Variants in PHACTR1 observed in about 807,000 individuals in gnomAD.
The protein encoded by PHACTR1 is RPEL repeat containing 1.
PHACTR1 carries 16 observed loss-of-function variants against 69.2 expected under a neutral mutation model. The ratio of observed to expected loss-of-function variants is 0.23; its 90% CI spans 0.16 to 0.35. The LOEUF (loss-of-function observed/expected upper bound fraction) is 0.35. Among genes scored for constraint, PHACTR1 ranks in the 10% least tolerant of loss-of-function variants. The pLI, the probability that PHACTR1 is intolerant of heterozygous loss-of-function variation, is 1.00. For synonymous variants in PHACTR1, 312 were observed against 284.5 expected, an observed-to-expected ratio of 1.10 and a Z score of -0.97; for missense variants, 510 against 734.7, an observed-to-expected ratio of 0.69 and a Z score of 3.54.
intron 4 of PHACTR1, among the ~76,000 whole-genome samples, chr6:12,944,594 A>G (rs1790403375): frequency 6.6e-6 from 1 of 152,294 alleles, no homozygotes; most frequent in African/African-American, 2.4e-5. Context: ...GTGCTTCAAA[A>G]GAACATATCT....
intron 5 of PHACTR1, among the ~76,000 whole-genome samples, chr6:13,156,476 G>A (rs1010994279): frequency 2.0e-5 from 3 of 152,146 alleles, no homozygotes; most frequent in African/African-American, 7.2e-5. Context: ...CTTGGCATGG[G>A]CAACTTTGAG....
intron 4 of PHACTR1, among the ~76,000 whole-genome samples, chr6:12,882,765 C>CT (rs1161996866): frequency 2.0e-5 from 3 of 152,174 alleles, no homozygotes; most frequent in Non-Finnish European, 4.4e-5. Context: ...TTCCTGGCTT[C>CT]TTACCCTCCT....
At chr6:12,871,983 A>G (rs1341126026) in intron 4 of PHACTR1, among the ~76,000 whole-genome samples, 1 of 152,010 alleles carries the variant, frequency 6.6e-6, no homozygotes, top group Admixed American at 6.6e-5. Context: ...ACCAATTTTC[A>G]GAATGAGTTA....
chr6:13,105,661 A>G (rs1816010807), intron 5 of PHACTR1, among the ~76,000 whole-genome samples: 1 of 152,110 alleles, frequency 6.6e-6, no homozygotes, highest in South Asian at 2.1e-4. Context: ...GACTGCCTAC[A>G]AATCTAAGGG....
At chr6:13,040,376 GA>G (rs1387531482) in intron 4 of PHACTR1, among the ~76,000 whole-genome samples, 1 of 152,148 alleles carries the variant, frequency 6.6e-6, no homozygotes, top group African/African-American at 2.4e-5. Context: ...AGCACAAATA[GA>G]GCTAATTTAG....
In PHACTR1 at chr6:13,109,833, C is replaced by CATGTGTGT. The variant is rs71552733; in HGVS notation, c.416-50371_416-50370insATGTGTGT. 4.1e-5 allele frequency among the ~76,000 whole-genome samples: 6 copies of CATGTGTGT among 146,188 alleles called. No individual in the cohort carries two copies. The South Asian group carries it at 1.1e-3, about 27-fold the overall frequency. ...CTTAGCCTCTGTTCAATTTTTTCAG[C>CATGTGTGT]GTGTGTGTGTGTGTGTGTGTGTGTG... On this transcript the variant is annotated intron_variant, in intron 5 of 14. Coordinates refer to ENST00000332995, the MANE Select transcript of PHACTR1 (RefSeq NM_030948.6).
Position 13,114,489 on chromosome 6 carries a change from T to C in PHACTR1, c.416-45715T>C, listed in dbSNP as rs1583420461. ...CTATTAGAGGATGAGAGCTTCAACATAGCATAAATGTAAAGTAACAAATAT... is the reference window on the plus strand; with the variant it reads ...CTATTAGAGGATGAGAGCTTCAACACAGCATAAATGTAAAGTAACAAATAT... On this transcript the variant is annotated intron_variant, in intron 5 of 14. Transcript: ENST00000332995. Among the ~76,000 whole-genome samples, 2 of 152,162 alleles carry C rather than the reference T, an allele frequency of 1.3e-5. 1 individual carries two copies. The highest frequency in any genetic ancestry group is 2.9e-5 in the Non-Finnish European group (2 of 68,020).
At chr6:13,231,506 A>G (rs1006193208) in intron 10 of PHACTR1, among the ~76,000 whole-genome samples, 3 of 152,252 alleles carry the variant, frequency 2.0e-5, no homozygotes, top group African/African-American at 7.2e-5. Context: ...AACAGCCTCC[A>G]TCATGTAATA....
intron 13 of PHACTR1, among the ~76,000 whole-genome samples, chr6:13,284,922 G>C (rs1173862828): frequency 2.6e-5 from 4 of 152,138 alleles, no homozygotes; most frequent in Non-Finnish European, 4.4e-5. Context: ...GCCCTCCTCT[G>C]TAAACACAGC....
chr6:12,836,024 T>C (rs536951615), intron 4 of PHACTR1, among the ~76,000 whole-genome samples: 11 of 152,176 alleles, frequency 7.2e-5, no homozygotes, highest in Non-Finnish European at 1.3e-4. Flanking sequence ...TAAAATCCTG[T>C]AAAACATAAT....
At chr6:13,084,283 C>CA (rs1447009943) in intron 5 of PHACTR1, among the ~76,000 whole-genome samples, 2 of 147,676 alleles carry the variant, frequency 1.4e-5, no homozygotes, top group African/African-American at 5.0e-5. Flanking sequence ...GACAAAAAAC[C>CA]AACACCGCAT....
chr6:13,186,277 G>T (rs967061116), intron 7 of PHACTR1, among the ~76,000 whole-genome samples: 3 of 152,212 alleles, frequency 2.0e-5, no homozygotes, highest in African/African-American at 7.2e-5. Flanking sequence ...AATAAAAATT[G>T]AATGTTGCTG....
rs1282355671 is a variant in PHACTR1 at position 13,283,801 on chromosome 6, G to A, written c.1650+239G>A. 2 of 552,636 alleles carry A rather than the reference G, an allele frequency of 3.6e-6. No individual in the cohort carries two copies. The highest frequency in any genetic ancestry group is 6.4e-6 in the Non-Finnish European group (2 of 313,220). The allele number at this position is 552,636 out of a possible 1,614,324, so 34.2% of individuals were successfully genotyped here. ...TGCCCATTTTACAGGAGGAGGAGCA[G>A]CAGCCTGGGAGGCTGTGCCCAGAGA... is the stretch of plus-strand genomic sequence containing the variant. On this transcript the variant is annotated intron_variant, in intron 13 of 14. Coordinates refer to ENST00000332995, the MANE Select transcript of PHACTR1 (RefSeq NM_030948.6). The surrounding 1 kb of genome is among the most constrained non-coding windows in gnomAD (Gnocchi z 4.7).
chr6:13,021,903 C>T (rs1801028814), intron 4 of PHACTR1, among the ~76,000 whole-genome samples: 1 of 152,216 alleles, frequency 6.6e-6, no homozygotes, highest in African/African-American at 2.4e-5. Flanking sequence ...CAACCTTTTA[C>T]AGCTGGAATT....
At chr6:12,921,806 G>GAGAAAGGGAGGGAGGGAAGAAGGAAGGGA (rs1367331887) in intron 4 of PHACTR1, among the ~76,000 whole-genome samples, 1 of 143,102 alleles carries the variant, frequency 7.0e-6, no homozygotes, top group African/African-American at 2.6e-5. Context: ...AAGGAAGGGA[G>GAGAAAGGGAGGGAGGGAAGAAGGAAGGGA]GGAGGGAGCA....
intron 7 of PHACTR1, among the ~76,000 whole-genome samples, chr6:13,203,137 C>A (rs1765454876): frequency 6.6e-6 from 1 of 152,232 alleles, no homozygotes; most frequent in Admixed American, 6.5e-5. Flanking sequence ...GCTCACATCT[C>A]CCTCCTAGAG....
rs532395229 is a variant in PHACTR1, at chr6:12,945,552, G to A, written c.251-107813G>A. 5.9e-5 allele frequency among the ~76,000 whole-genome samples: 9 copies of A among 152,272 alleles called. No homozygotes were observed. In the South Asian group the frequency reaches 1.5e-3, roughly 25 times the overall value. ...AATAAATCAGGGATTCCCAGTGTAC[G>A]GTCATTAAATGCTAATTCTTACGGG... is the stretch of plus-strand genomic sequence containing the variant. On this transcript the variant is annotated intron_variant, in intron 4 of 14. Transcript: ENST00000332995.
chr6:12,746,015 A>C (rs1316849785), intron 3 of PHACTR1, among the ~76,000 whole-genome samples: 1 of 152,158 alleles, frequency 6.6e-6, no homozygotes, highest in East Asian at 1.9e-4. Flanking sequence ...GAGACTAAAG[A>C]ATGTGGAAAT....
At chr6:12,919,465 G>T (rs1037362264) in intron 4 of PHACTR1, among the ~76,000 whole-genome samples, 1 of 152,144 alleles carries the variant, frequency 6.6e-6, no homozygotes, top group Non-Finnish European at 1.5e-5. Context: ...AGGAAAAAAA[G>T]AAACACAATC....
Sources: allele counts gnomAD v4.1 joint callset (sites outside exome capture counted in the v4.1 genomes callset), GRCh38; gene constraint gnomAD v4.1.1; non-coding constraint Gnocchi (gnomAD v3.1); transcripts MANE v1.5; gene names NCBI Gene and HGNC (gene_info 2026-07-23, HGNC 2026-07-21).